Variants in SLC24A2 observed in about 807,000 individuals in gnomAD.
The protein encoded by SLC24A2 is solute carrier family 24 member 2.
Under a neutral mutation model 62.0 loss-of-function variants are expected in SLC24A2, and 36 were observed. The observed-to-expected ratio is 0.58, with a 90% CI of 0.44 to 0.77. The LOEUF is 0.77. Among genes scored for constraint, SLC24A2 ranks in the 30% least tolerant of loss-of-function variants. The pLI is 0.00. For synonymous variants in SLC24A2, 358 were observed against 294.0 expected (o/e 1.22, Z -2.23); for missense variants, 846 against 817.9 (o/e 1.03, Z -0.42).
At chr9:19,957,406 T>C in the SLC24A2 span, 1 of 152,210 alleles carries the variant, frequency 6.6e-6, no homozygotes, top group African/African-American at 2.4e-5. Flanking sequence ...AAGTTTGAGA[T>C]TGTGGTCTGT....
chr9:19,727,011 G>T (rs557150726), intron 2 of SLC24A2, among the ~76,000 whole-genome samples: 1 of 152,216 alleles, frequency 6.6e-6, no homozygotes, highest in Non-Finnish European at 1.5e-5. Context: ...CAGATTTATT[G>T]CTTGTTCCCA....
chr9:19,796,237 G>A, the SLC24A2 span, among the ~76,000 whole-genome samples: 5 of 151,720 alleles, frequency 3.3e-5, no homozygotes, highest in African/African-American at 9.7e-5. Context: ...TAACCTGCAC[G>A]TTGTGCACAT....
the SLC24A2 span, among the ~76,000 whole-genome samples, chr9:19,884,950 C>T: frequency 2.7e-4 from 41 of 152,164 alleles, 1 homozygote; most frequent in South Asian, 6.4e-3. Flanking sequence ...TAAAACCACA[C>T]GGTAAGTTGA....
At chr9:19,953,436 C>T in the SLC24A2 span, among the ~76,000 whole-genome samples, 1 of 151,968 alleles carries the variant, frequency 6.6e-6, no homozygotes, top group East Asian at 1.9e-4. Flanking sequence ...ATATTATTAT[C>T]TAGTACTCTG....
chr9:19,805,183 G>A, the SLC24A2 span, among the ~76,000 whole-genome samples: 3 of 152,050 alleles, frequency 2.0e-5, no homozygotes, highest in Non-Finnish European at 2.9e-5. Context: ...TACATTTCAT[G>A]GAAAATATTG....
intron 4 of SLC24A2, among the ~76,000 whole-genome samples, chr9:19,606,651 C>T (rs1836991742): frequency 6.6e-6 from 1 of 151,670 alleles, no homozygotes; most frequent in South Asian, 2.1e-4. Flanking sequence ...AGAACACACA[C>T]ACACACGCAC....
chr9:20,133,596 C>T, the SLC24A2 span, among the ~76,000 whole-genome samples: 3 of 152,058 alleles, frequency 2.0e-5, no homozygotes, highest in Non-Finnish European at 4.4e-5. Flanking sequence ...AAATAACAAA[C>T]AAGAAAGATT....
chr9:20,275,974 C>A, the SLC24A2 span, among the ~76,000 whole-genome samples: 78 of 152,254 alleles, frequency 5.1e-4, no homozygotes, highest in African/African-American at 1.8e-3. Flanking sequence ...TACCGGGTCC[C>A]TCCCATGACA....
chr9:19,633,169 T>C (rs749775959), intron 2 of SLC24A2, among the ~76,000 whole-genome samples: 4 of 152,240 alleles, frequency 2.6e-5, no homozygotes, highest in Non-Finnish European at 5.9e-5. Flanking sequence ...TATTTCATGG[T>C]ATGGATATAC....
intron 2 of SLC24A2, among the ~76,000 whole-genome samples, chr9:19,662,589 G>C (rs1204212480): frequency 6.6e-6 from 1 of 152,162 alleles, no homozygotes; most frequent in African/African-American, 2.4e-5. Flanking sequence ...AGAGACGAAG[G>C]AGTGTGCTTT....
chr9:19,872,471 T>A, the SLC24A2 span, among the ~76,000 whole-genome samples: 7 of 152,332 alleles, frequency 4.6e-5, no homozygotes, highest in East Asian at 1.3e-3. Flanking sequence ...CCTTCTTTTC[T>A]ATTTCCTGCT....
chr9:20,212,719 A>T, the SLC24A2 span, among the ~76,000 whole-genome samples: 2 of 151,778 alleles, frequency 1.3e-5, no homozygotes, highest in Non-Finnish European at 2.9e-5. Flanking sequence ...TATCTCTGAA[A>T]CATTGTAGCC....
At chr9:19,934,480 C>T in the SLC24A2 span, among the ~76,000 whole-genome samples, 2 of 151,976 alleles carry the variant, frequency 1.3e-5, no homozygotes, top group African/African-American at 2.4e-5. This position sits in a 1 kb window ranked among gnomAD's most constrained non-coding sequence, Gnocchi z 4.1. Context: ...AAATCCTGGC[C>T]CCCATTGCAG....
intron 2 of SLC24A2, among the ~76,000 whole-genome samples, chr9:19,749,430 C>T (rs557489713): frequency 6.6e-6 from 1 of 152,006 alleles, no homozygotes; most frequent in South Asian, 2.1e-4. Flanking sequence ...CAAGACAAAA[C>T]TGAGTTTATT....
At chr9:20,227,944 C>G in the SLC24A2 span, among the ~76,000 whole-genome samples, 2 of 152,170 alleles carry the variant, frequency 1.3e-5, no homozygotes, top group Non-Finnish European at 2.9e-5. Context: ...TTCAGTTTAG[C>G]TTCTTGGAGG....
the SLC24A2 span, among the ~76,000 whole-genome samples, chr9:20,196,255 T>C: frequency 6.6e-6 from 1 of 152,200 alleles, no homozygotes; most frequent in Non-Finnish European, 1.5e-5. Flanking sequence ...GATACCTGCC[T>C]AGCTGTGAAA....
At chr9:19,567,195 G>A (rs940152911) in intron 7 of SLC24A2, among the ~76,000 whole-genome samples, 4 of 149,264 alleles carry the variant, frequency 2.7e-5, no homozygotes, top group African/African-American at 7.4e-5. Context: ...AAGAAAATCT[G>A]CTTTTTGGAA....
At chr9:19,517,926 C>T (rs879703954) in intron 10 of SLC24A2, among the ~76,000 whole-genome samples, 1,874 of 141,154 alleles carry the variant, frequency 0.013, 39 homozygotes, top group African/African-American at 0.049. Context: ...CACACACACA[C>T]ACACACACAC....
the SLC24A2 span, among the ~76,000 whole-genome samples, chr9:20,162,591 A>G: frequency 6.6e-6 from 1 of 152,076 alleles, no homozygotes; most frequent in Admixed American, 6.6e-5. Context: ...AACTATTCCA[A>G]TCAATAGAAA....
Sources: gnomAD v4.1 joint callset for allele counts (sites outside exome capture counted in the v4.1 genomes callset) on GRCh38, gnomAD v4.1.1 for gene constraint, Gnocchi (gnomAD v3.1) non-coding constraint, MANE v1.5 for transcripts, NCBI Gene and HGNC (gene_info 2026-07-23, HGNC 2026-07-21) for gene names.